ANO10: variants seen among roughly 807,000 people sequenced by gnomAD.
The protein encoded by ANO10 is anoctamin 10, also known as anoctamin-10.
A neutral mutation model predicts 74.7 loss-of-function variants in ANO10; 77 were observed. That is an observed-to-expected ratio of 1.03 (90% CI 0.86 to 1.25). The LOEUF is 1.25. Among genes scored for constraint, ANO10 ranks in the 50% most tolerant of loss-of-function variants. The pLI is 0.00. For synonymous variants in ANO10, 279 were observed against 284.9 expected (o/e 0.98, Z 0.21); for missense variants, 721 against 778.1 (o/e 0.93, Z 0.87).
At chr3:43,433,576 T>C (rs1237110790) in intron 11 of ANO10, among the ~76,000 whole-genome samples, 1 of 152,218 alleles carries the variant, frequency 6.6e-6, no homozygotes, top group Non-Finnish European at 1.5e-5. Flanking sequence ...TGACTCCATA[T>C]ATGGTAAGTA....
chr3:43,518,929 T>G (rs555213040), intron 11 of ANO10, among the ~76,000 whole-genome samples: 2 of 152,278 alleles, frequency 1.3e-5, no homozygotes, highest in South Asian at 4.1e-4. Flanking sequence ...CCTTGTGATA[T>G]TTTATTGCCC....
At chr3:43,633,105 A>G (rs2083566296) in intron 1 of ANO10, among the ~76,000 whole-genome samples, 1 of 152,174 alleles carries the variant, frequency 6.6e-6, no homozygotes, top group Non-Finnish European at 1.5e-5. Flanking sequence ...ATTTTGAAAT[A>G]AAAAACGTAA....
At chr3:43,513,376 G>A (rs868126821) in intron 11 of ANO10, among the ~76,000 whole-genome samples, 1 of 151,980 alleles carries the variant, frequency 6.6e-6, no homozygotes, top group Non-Finnish European at 1.5e-5. Flanking sequence ...ATATCTTGAG[G>A]GTAAACTTTG....
At chr3:43,635,460 C>G (rs2083598115) in intron 1 of ANO10, among the ~76,000 whole-genome samples, 1 of 152,184 alleles carries the variant, frequency 6.6e-6, no homozygotes, top group Non-Finnish European at 1.5e-5. Context: ...CTCTAGTAAA[C>G]ACAAGTTCAT....
chr3:43,554,221 T>C (rs925415758), intron 10 of ANO10, among the ~76,000 whole-genome samples: 1 of 148,896 alleles, frequency 6.7e-6, no homozygotes, highest in Non-Finnish European at 1.5e-5. Flanking sequence ...TGAGATGGAG[T>C]GTCGCTCTGT....
chr3:43,396,196 T>A (rs1043861052), intron 12 of ANO10, among the ~76,000 whole-genome samples: 11 of 152,204 alleles, frequency 7.2e-5, no homozygotes, highest in African/African-American at 2.7e-4. Context: ...CAGTCTTTCA[T>A]CACTAAGTAT....
chr3:43,619,142 T>C (rs1488088415), intron 1 of ANO10, among the ~76,000 whole-genome samples: 1 of 152,218 alleles, frequency 6.6e-6, no homozygotes, highest in Non-Finnish European at 1.5e-5. Flanking sequence ...TCTATTCATA[T>C]AGAAAAGGAA....
rs902875785 is a variant in ANO10 at position 43,522,124 on chromosome 3, G to T, written c.1797+27596C>A. Among the ~76,000 whole-genome samples the T allele has an allele frequency of 5.9e-5, 9 of 152,212 alleles. No individual in the cohort carries two copies. The East Asian group carries it at 7.7e-4, about 13-fold the overall frequency. ...CACAGAGACAGAAAGTAAAGCAGAA[G>T]TTGCCAGGGACTAGGGGAAGGGGGA... is the stretch of plus-strand genomic sequence containing the variant. On this transcript the variant is annotated intron_variant, in intron 11 of 12. Transcript: ENST00000292246.
Position 43,446,835 on chromosome 3 carries a change from C to T in ANO10, c.1798-14108G>A, listed in dbSNP as rs1299353868. ...AATTTATTATTAAAAAATGTATATACCTATATCTTTTTGAACTATAGTTTG... is the reference window on the plus strand; with the variant it reads ...AATTTATTATTAAAAAATGTATATATCTATATCTTTTTGAACTATAGTTTG... On this transcript the variant is annotated intron_variant, in intron 11 of 12. Transcript: ENST00000292246. 2.0e-5 allele frequency among the ~76,000 whole-genome samples: 3 copies of T among 152,068 alleles called. No homozygotes were observed. In the East Asian group the frequency reaches 5.8e-4, roughly 29 times the overall value.
intron 12 of ANO10, among the ~76,000 whole-genome samples, chr3:43,375,373 G>A (rs1200012504): frequency 1.3e-5 from 2 of 152,118 alleles, no homozygotes; most frequent in Non-Finnish European, 2.9e-5. Flanking sequence ...GCTTGAACCC[G>A]AGAGGTGGAG....
chr3:43,580,473 C>T lies in ANO10; in HGVS notation c.473-1G>A. On this transcript the variant is annotated splice_acceptor_variant, in intron 4 of 12. Transcript: ENST00000292246. LOFTEE classifies it high-confidence loss of function. Reference sequence around the variant, plus strand: ...ATGCCAGACGTGAGCAATCTTCTCACTGCACAGGGAAAATGTGCCAAACTG... The same window carrying T: ...ATGCCAGACGTGAGCAATCTTCTCATTGCACAGGGAAAATGTGCCAAACTG... The T allele has an allele frequency of 6.8e-6, 11 of 1,613,442 alleles. No homozygotes were observed. The highest frequency in any genetic ancestry group is 9.3e-6 in the Non-Finnish European group (11 of 1,179,858).
chr3:43,366,558 T>C lies in ANO10; in HGVS notation c.*348A>G, dbSNP rs1413937081. 1 of 400,088 alleles carries C rather than the reference T, an allele frequency of 2.5e-6. No individual in the cohort carries two copies. Among genetic ancestry groups the C allele is most frequent in the Middle Eastern group, 8.1e-4 (1 of 1,228 alleles). 24.8% of individuals were successfully genotyped at this position (400,088 alleles called of 1,614,324 possible). On this transcript the variant is annotated 3_prime_UTR_variant, in exon 13 of 13. Coordinates refer to ENST00000292246, the MANE Select transcript of ANO10 (RefSeq NM_018075.5). ...CCCTGGGCCATGGTGGGGTTGGGAGTGACACTGCTATGAGGGGAACGTGGA... is the reference window on the plus strand; with the variant it reads ...CCCTGGGCCATGGTGGGGTTGGGAGCGACACTGCTATGAGGGGAACGTGGA...
chr3:43,549,889 G>A (rs754040073), intron 10 of ANO10, 41 bp from the exon 11 acceptor site: 2 of 1,607,802 alleles, frequency 1.2e-6, no homozygotes, highest in Non-Finnish European at 1.7e-6. Flanking sequence ...TGCAATGACT[G>A]CTTCCATATT....
At position 43,577,079 on chromosome 3, in the gene ANO10, C is replaced by G; in HGVS notation, c.775G>C (p.Glu259Gln). Reference protein sequence around the residue: ...FNLIWSTVILELWKRGCANMT... With the variant: ...FNLIWSTVILQLWKRGCANMT... ...TTGGCACAGCCACGCTTCCACAGTT[C>G]CAGAATCACCGTGGACCAGATGAGG... The change falls in exon 6 of 13, where the codon GAA (glutamate) becomes CAA (glutamine). Residue 259 changes from glutamate (E) to glutamine (Q), a missense_variant. Glu to Gln is a conservative substitution (Grantham distance 29). Coordinates refer to ENST00000292246, the MANE Select transcript of ANO10 (RefSeq NM_018075.5). 1 of 1,614,158 alleles carries G rather than the reference C, an allele frequency of 6.2e-7. No homozygotes were observed. Among genetic ancestry groups the G allele is most frequent in the Non-Finnish European group, 8.5e-7 (1 of 1,180,016 alleles).
intron 11 of ANO10, among the ~76,000 whole-genome samples, chr3:43,486,780 T>C (rs1012218669): frequency 6.6e-5 from 10 of 152,136 alleles, no homozygotes; most frequent in Non-Finnish European, 1.2e-4. Context: ...CTTTTACTAA[T>C]TGAATACCCT....
intron 1 of ANO10, among the ~76,000 whole-genome samples, chr3:43,650,777 T>C (rs2083778517): frequency 6.6e-6 from 1 of 152,220 alleles, no homozygotes; most frequent in African/African-American, 2.4e-5. Context: ...ATTCAACTTT[T>C]AAAATTTCCT....
chr3:43,560,355 C>G (rs1219347806), intron 9 of ANO10, among the ~76,000 whole-genome samples: 2 of 152,146 alleles, frequency 1.3e-5, no homozygotes, highest in Admixed American at 6.5e-5. Flanking sequence ...GAGAAAAAGA[C>G]AAAGTCCTAC....
chr3:43,526,775 A>C (rs765593280), intron 11 of ANO10, among the ~76,000 whole-genome samples: 1 of 152,108 alleles, frequency 6.6e-6, no homozygotes, highest in Non-Finnish European at 1.5e-5. Context: ...ATATTTACTT[A>C]AGATAGCCTA....
At chr3:43,671,439 C>T (rs1473195948) in intron 1 of ANO10, among the ~76,000 whole-genome samples, 1 of 152,064 alleles carries the variant, frequency 6.6e-6, no homozygotes, top group African/African-American at 2.4e-5. Context: ...GTGTAGTGAA[C>T]TGGAAGCTCT....
Sources: allele counts gnomAD v4.1 joint callset (sites outside exome capture counted in the v4.1 genomes callset), GRCh38; gene constraint gnomAD v4.1.1; transcripts MANE v1.5; gene names NCBI Gene and HGNC (gene_info 2026-07-23, HGNC 2026-07-21).